The following MOB1B variants were observed in gnomAD, a reference collection of about 807,000 sequenced individuals.
MOB1B encodes MOB kinase activator 1B.
In MOB1B, 19 loss-of-function variants were observed where a neutral mutation model predicts 24.4. The ratio of observed to expected loss-of-function variants is 0.78; its 90% CI spans 0.54 to 1.14. MOB1B has a LOEUF of 1.14. Ranked by LOEUF, MOB1B falls within the 50% of genes most tolerant of loss-of-function variation. The pLI, the probability that MOB1B is intolerant of heterozygous loss-of-function variation, is 0.00. For missense variants in MOB1B, 243 were observed against 259.6 expected (o/e 0.94, Z 0.44); for synonymous variants, 76 against 82.1 (o/e 0.93, Z 0.40).
Position 70,913,072 on chromosome 4 carries a change from T to C in MOB1B, c.14+10522T>C, listed in dbSNP as rs372504337. Among the ~76,000 whole-genome samples, 4 of 152,234 alleles carry C rather than the reference T, an allele frequency of 2.6e-5. No individual in the cohort carries two copies. In the East Asian group the frequency reaches 7.7e-4, roughly 29 times the overall value. On this transcript the variant is annotated intron_variant, in intron 1 of 5. Coordinates refer to ENST00000309395, the MANE Select transcript of MOB1B (RefSeq NM_173468.4). ...CGGGCCCAGCCTGTGTTTTTCAAACTGAAATAGTTTGTCAGTCTTTCCTTG... is the reference window on the plus strand; with the variant it reads ...CGGGCCCAGCCTGTGTTTTTCAAACCGAAATAGTTTGTCAGTCTTTCCTTG...
Position 70,958,623 on chromosome 4 carries a change from A to C in MOB1B, c.15-251A>C, listed in dbSNP as rs551453713. 2.2e-5 allele frequency: 12 copies of C among 543,320 alleles called. No individual in the cohort carries two copies. The African/African-American group carries it at 2.3e-4, about 10-fold the overall frequency. 33.7% of individuals were successfully genotyped at this position (543,320 alleles called of 1,614,324 possible). A position where few individuals can be genotyped will look rare whatever the true frequency, so the allele number is the denominator to read the frequency against. On this transcript the variant is annotated intron_variant, in intron 1 of 5. Coordinates refer to ENST00000309395, the MANE Select transcript of MOB1B (RefSeq NM_173468.4). Reference sequence around the variant, plus strand: ...AATACAATAACTAAAACATCATGGAAGTACTTTTTTGTTTTTTCATTAATT... The same window carrying C: ...AATACAATAACTAAAACATCATGGACGTACTTTTTTGTTTTTTCATTAATT...
At chr4:70,905,037 C>T (rs75981092) in intron 1 of MOB1B, among the ~76,000 whole-genome samples, 4,026 of 152,226 alleles carry the variant, frequency 0.026, 65 homozygotes, top group Middle Eastern at 0.078. Flanking sequence ...ATCTATCTAG[C>T]AGTTGATATA....
In MOB1B at chr4:70,902,416, T is replaced by C. The variant is rs888355280; in HGVS notation, c.-121T>C. On this transcript the variant is annotated 5_prime_UTR_variant, in exon 1 of 6. Coordinates refer to ENST00000309395, the MANE Select transcript of MOB1B (RefSeq NM_173468.4). ...TAGTTGCGGCCACCGAGCAGCCGGC[T>C]CTCGGCACCTCCTCCTCCGCCTCCC... is the stretch of plus-strand genomic sequence containing the variant. 16 of 1,100,004 alleles carry C rather than the reference T, an allele frequency of 1.5e-5. No homozygotes were observed. The highest frequency in any genetic ancestry group is 2.2e-5 in the Non-Finnish European group (16 of 738,362). The allele number at this position is 1,100,004 out of a possible 1,614,324, so 68.1% of individuals were successfully genotyped here. A position where few individuals can be genotyped will look rare whatever the true frequency, so the allele number is the denominator to read the frequency against.
intron 1 of MOB1B, among the ~76,000 whole-genome samples, chr4:70,911,140 A>G (rs990362773): frequency 6.6e-6 from 1 of 152,140 alleles, no homozygotes; most frequent in African/African-American, 2.4e-5. Flanking sequence ...TTAAAAATAT[A>G]CAAATGGATT....
chr4:70,935,329 T>C (rs972577459), intron 1 of MOB1B, among the ~76,000 whole-genome samples: 5 of 152,188 alleles, frequency 3.3e-5, no homozygotes, highest in Non-Finnish European at 5.9e-5. Flanking sequence ...TGGGCAATTC[T>C]CTAGGTTTCA....
chr4:70,907,112 C>G (rs1735779549), intron 1 of MOB1B, among the ~76,000 whole-genome samples: 1 of 152,156 alleles, frequency 6.6e-6, no homozygotes, highest in Non-Finnish European at 1.5e-5. Context: ...TTGTTCACTT[C>G]CACGTTTGTG....
intron 1 of MOB1B, 121 bp from the exon 2 acceptor site, chr4:70,958,753 T>G: frequency 1.0e-6 from 1 of 968,380 alleles, no homozygotes; most frequent in Non-Finnish European, 1.6e-6. Context: ...AGCACAGTAG[T>G]TACAGCAATT....
chr4:70,986,506 T>TAAG lies in MOB1B; in HGVS notation c.*4452_*4454dup, dbSNP rs1739387176. Reference sequence around the variant, plus strand: ...ATTTGGAAATGTGACTGCATACCAATAAGAAAACTTACCTTATTTTGAAAT... The same window carrying TAAG: ...ATTTGGAAATGTGACTGCATACCAATAAGAAGAAAACTTACCTTATTTTGAAAT... On this transcript the variant is annotated 3_prime_UTR_variant, in exon 6 of 6. Coordinates refer to ENST00000309395, the MANE Select transcript of MOB1B (RefSeq NM_173468.4). 6.6e-6 allele frequency: 1 copy of TAAG among 152,104 alleles called. No individual in the cohort carries two copies. Among genetic ancestry groups the TAAG allele is most frequent in the East Asian group, 1.9e-4 (1 of 5,204 alleles). The allele number at this position is 152,104 out of a possible 1,614,324, so 9.4% of individuals were successfully genotyped here.
At chr4:70,942,944 A>T (rs902078545) in intron 1 of MOB1B, 1 of 390,446 alleles carries the variant, frequency 2.6e-6, no homozygotes, top group Non-Finnish European at 3.5e-6. Flanking sequence ...TTTCCCTTTA[A>T]TGTAGCTCAG....
chr4:70,913,506 G>A (rs1254081965), intron 1 of MOB1B, among the ~76,000 whole-genome samples: 2 of 151,736 alleles, frequency 1.3e-5, no homozygotes, highest in Non-Finnish European at 2.9e-5. Flanking sequence ...GCCAGGGCTG[G>A]TCTGAAAATC....
chr4:70,923,633 T>C (rs1736527276), intron 1 of MOB1B, among the ~76,000 whole-genome samples: 2 of 152,148 alleles, frequency 1.3e-5, no homozygotes, highest in South Asian at 4.1e-4. Flanking sequence ...ATATTTTTTA[T>C]GTAAATCTTC....
chr4:70,951,745 A>G (rs1185603611), intron 1 of MOB1B, among the ~76,000 whole-genome samples: 3 of 152,180 alleles, frequency 2.0e-5, no homozygotes, highest in Non-Finnish European at 1.5e-5. Flanking sequence ...TAAAAATACA[A>G]AAAATTAGCT....
rs1198776777 is a variant in MOB1B, at chr4:70,983,649, A to G, written c.*1592A>G. 1 of 152,580 alleles carries G rather than the reference A, an allele frequency of 6.6e-6. No homozygotes were observed. Among genetic ancestry groups the G allele is most frequent in the Non-Finnish European group, 1.5e-5 (1 of 67,996 alleles). The allele number at this position is 152,580 out of a possible 1,614,324, so 9.5% of individuals were successfully genotyped here. ...TGCTCTGAAATAGTATAGATTAAAA[A>G]CACTCAGTAGAAAAGAATCTAAAAT... On this transcript the variant is annotated 3_prime_UTR_variant, in exon 6 of 6. Coordinates refer to ENST00000309395, the MANE Select transcript of MOB1B (RefSeq NM_173468.4).
intron 4 of MOB1B, chr4:70,975,823 T>C (rs1738963437): frequency 2.2e-6 from 2 of 913,314 alleles, no homozygotes; most frequent in African/African-American, 3.6e-5. Context: ...CACTTACAGG[T>C]GTTCTATGTT....
At position 70,920,658 on chromosome 4, in the gene MOB1B, A is replaced by G. The variant is rs190916079; in HGVS notation, c.14+18108A>G. On this transcript the variant is annotated intron_variant, in intron 1 of 5. Transcript: ENST00000309395. ...AAGAAATTCTTACCCTTTTGCCAGC[A>G]TGCCAGTTTTCTGGGTTCTCTCTCT... Among the ~76,000 whole-genome samples, 5 of 152,344 alleles carry G rather than the reference A, an allele frequency of 3.3e-5. No homozygotes were observed. The East Asian group carries it at 9.7e-4, about 29-fold the overall frequency.
At chr4:70,923,524 C>T (rs1399076476) in intron 1 of MOB1B, among the ~76,000 whole-genome samples, 2 of 152,132 alleles carry the variant, frequency 1.3e-5, no homozygotes, top group African/African-American at 4.8e-5. Context: ...TATTGCTACC[C>T]TTGTATCTGT....
At chr4:70,943,379 A>G (rs1337170365) in intron 1 of MOB1B, among the ~76,000 whole-genome samples, 1 of 152,210 alleles carries the variant, frequency 6.6e-6, no homozygotes, top group East Asian at 1.9e-4. Context: ...AACTGGGATG[A>G]CATCCAGTAT....
intron 1 of MOB1B, among the ~76,000 whole-genome samples, chr4:70,940,953 G>A (rs1194221461): frequency 1.3e-5 from 2 of 151,774 alleles, no homozygotes; most frequent in African/African-American, 4.8e-5. Context: ...GATTACAGGC[G>A]TGAGCCACCA....
At chr4:70,976,000 A>G (rs1351090444) in intron 4 of MOB1B, 1 of 269,724 alleles carries the variant, frequency 3.7e-6, no homozygotes, top group East Asian at 1.8e-4. Flanking sequence ...CCCGGGTTCA[A>G]GTGATTCTCT....
Sources: gnomAD v4.1 joint callset for allele counts (sites outside exome capture counted in the v4.1 genomes callset) on GRCh38, gnomAD v4.1.1 for gene constraint, MANE v1.5 for transcripts, NCBI Gene and HGNC (gene_info 2026-07-23, HGNC 2026-07-21) for gene names.